Variants in RGS7 observed in about 807,000 individuals in gnomAD.
RGS7 encodes the protein regulator of G protein signaling 7.
A neutral mutation model predicts 81.1 loss-of-function variants in RGS7; 27 were observed. That is an observed-to-expected ratio of 0.33 (90% CI 0.25 to 0.46). The LOEUF (loss-of-function observed/expected upper bound fraction) is 0.46, where lower values mean the gene tolerates loss of function less well. RGS7 is among the 20% of genes least tolerant of loss of function. RGS7 has a pLI of 1.00. For synonymous variants in RGS7, 208 were observed against 207.7 expected, an observed-to-expected ratio of 1.00 and a Z score of -0.01; for missense variants, 396 against 607.4, an observed-to-expected ratio of 0.65 and a Z score of 3.66.
chr1:241,019,374 T>C (rs1311737525), intron 3 of RGS7, among the ~76,000 whole-genome samples: 2 of 152,168 alleles, frequency 1.3e-5, no homozygotes, highest in Admixed American at 6.5e-5. Context: ...TTTTAAATTA[T>C]ACTTTAAGTT....
intron 3 of RGS7, among the ~76,000 whole-genome samples, chr1:241,002,203 T>C (rs965419223): frequency 3.3e-5 from 5 of 151,966 alleles, no homozygotes; most frequent in African/African-American, 9.7e-5. Flanking sequence ...TCCCAGCACT[T>C]TGGGAGGCCG....
chr1:241,030,373 T>TATATATATATATATATAC (rs374223475), intron 3 of RGS7, among the ~76,000 whole-genome samples: 9 of 135,238 alleles, frequency 6.7e-5, no homozygotes, highest in East Asian at 4.0e-4. Context: ...TATATATATA[T>TATATATATATATATATAC]ACATACACAC....
chr1:241,356,661 T>C (rs1389200650), intron 1 of RGS7, among the ~76,000 whole-genome samples: 1 of 151,782 alleles, frequency 6.6e-6, no homozygotes, highest in East Asian at 2.0e-4. Context: ...CAGCAGCAAA[T>C]GGCAGGCGAG....
chr1:241,104,127 T>C (rs1192337869), intron 2 of RGS7, among the ~76,000 whole-genome samples: 1 of 152,160 alleles, frequency 6.6e-6, no homozygotes, highest in African/African-American at 2.4e-5. Context: ...TTATCAAGGG[T>C]GAGAATTAGT....
intron 18 of RGS7, among the ~76,000 whole-genome samples, chr1:240,778,290 A>C (rs569597024): frequency 6.6e-6 from 1 of 152,358 alleles, no homozygotes; most frequent in East Asian, 1.9e-4. Context: ...GGAAGGGATC[A>C]CAAATATTCA....
chr1:240,896,304 A>C (rs917582590), intron 6 of RGS7, among the ~76,000 whole-genome samples: 7 of 151,982 alleles, frequency 4.6e-5, no homozygotes, highest in African/African-American at 1.5e-4. Context: ...CCCATTTGTC[A>C]ATTTTGTCTT....
At chr1:241,007,003 G>C (rs1023197178) in intron 3 of RGS7, among the ~76,000 whole-genome samples, 3 of 152,184 alleles carry the variant, frequency 2.0e-5, no homozygotes, top group Admixed American at 1.3e-4. Flanking sequence ...TGCAACCCAC[G>C]TTTCCTGGGA....
At chr1:241,111,408 A>G (rs1468820244) in intron 2 of RGS7, among the ~76,000 whole-genome samples, 2 of 152,164 alleles carry the variant, frequency 1.3e-5, no homozygotes, top group African/African-American at 4.8e-5. Context: ...TTCGTGAGCA[A>G]CAGACCCAGT....
At position 240,922,940 on chromosome 1, in the gene RGS7, A is replaced by C. The variant is rs374263032; in HGVS notation, c.385+7777T>G. The stretch of plus-strand genomic sequence containing the variant: ...TAGCAGCTCAACTCGTAATTGCCAT[A>C]TGTGGAATTGATTAAGATGTTCTTC... On this transcript the variant is annotated intron_variant, in intron 6 of 18. Coordinates refer to ENST00000440928, the MANE Select transcript of RGS7 (RefSeq NM_001364886.1). Among the ~76,000 whole-genome samples, 88 of 152,246 alleles carry C rather than the reference A, an allele frequency of 5.8e-4. 2 individuals are homozygous for C. The Middle Eastern group carries it at 0.014, about 24-fold the overall frequency.
intron 6 of RGS7, among the ~76,000 whole-genome samples, chr1:240,896,409 G>A (rs1160306401): frequency 2.0e-5 from 3 of 152,114 alleles, no homozygotes; most frequent in Admixed American, 1.3e-4. Flanking sequence ...GGGTTTGTAT[G>A]GTTTTAGGTC....
intron 11 of RGS7, among the ~76,000 whole-genome samples, chr1:240,815,661 T>C (rs1572220502): frequency 6.6e-6 from 1 of 152,252 alleles, no homozygotes; most frequent in South Asian, 2.1e-4. Context: ...ATAAACTATA[T>C]TATAATAAAA....
chr1:240,885,659 T>A (rs188170508), intron 6 of RGS7, among the ~76,000 whole-genome samples: 2 of 152,038 alleles, frequency 1.3e-5, no homozygotes, highest in Admixed American at 6.6e-5. Context: ...GAAAACCAAA[T>A]GCCACATGTT....
At chr1:241,182,197 G>A (rs2071682284) in intron 2 of RGS7, among the ~76,000 whole-genome samples, 1 of 152,130 alleles carries the variant, frequency 6.6e-6, no homozygotes, top group Non-Finnish European at 1.5e-5. Flanking sequence ...ATGCGCAATA[G>A]GCACAGCTCA....
intron 2 of RGS7, among the ~76,000 whole-genome samples, chr1:241,152,713 C>T (rs570635366): frequency 6.6e-5 from 10 of 152,252 alleles, no homozygotes; most frequent in East Asian, 1.9e-4. Flanking sequence ...AGAGACCTGC[C>T]GCTTCTGCCG....
intron 3 of RGS7, among the ~76,000 whole-genome samples, chr1:240,994,209 A>T (rs1036368492): frequency 6.6e-6 from 1 of 152,190 alleles, no homozygotes; most frequent in African/African-American, 2.4e-5. Flanking sequence ...CTCTATATCT[A>T]CAAAAAAATC....
At chr1:241,320,077 C>T (rs1009113180) in intron 2 of RGS7, among the ~76,000 whole-genome samples, 2 of 152,064 alleles carry the variant, frequency 1.3e-5, no homozygotes, top group African/African-American at 2.4e-5. Flanking sequence ...GGCAACAGAG[C>T]GAGACTCCAC....
intron 3 of RGS7, among the ~76,000 whole-genome samples, chr1:241,068,258 AAAATATTG>A (rs1558669425): frequency 6.1e-5 from 3 of 48,884 alleles, no homozygotes; most frequent in African/African-American, 1.4e-4. Flanking sequence ...ATATATATAT[AAAATATTG>A]TGTATATATA....
At chr1:241,272,344 C>T (rs1174291244) in intron 2 of RGS7, among the ~76,000 whole-genome samples, 1 of 152,150 alleles carries the variant, frequency 6.6e-6, no homozygotes, top group Non-Finnish European at 1.5e-5. Flanking sequence ...TATGATCTCA[C>T]TCCTGCAGAC....
chr1:241,193,502 A>T (rs1413421697), intron 2 of RGS7, among the ~76,000 whole-genome samples: 1 of 152,220 alleles, frequency 6.6e-6, no homozygotes, highest in African/African-American at 2.4e-5. Flanking sequence ...ATTATCAATC[A>T]ATTCATCCTG....
Sources: allele counts gnomAD v4.1 joint callset (sites outside exome capture counted in the v4.1 genomes callset), GRCh38; gene constraint gnomAD v4.1.1; transcripts MANE v1.5; gene names NCBI Gene and HGNC (gene_info 2026-07-23, HGNC 2026-07-21).